Variants in RAB6A observed in about 807,000 individuals in gnomAD.
RAB6A encodes the protein RAB6A, member RAS oncogene family.
RAB6A carries 8 observed loss-of-function variants against 32.3 expected under a neutral mutation model. The ratio of observed to expected loss-of-function variants is 0.25; its 90% CI spans 0.15 to 0.45. The LOEUF is 0.45. Ranked by LOEUF, RAB6A falls within the 20% of genes least tolerant of loss-of-function variation. The pLI is 1.00. For synonymous variants in RAB6A, 73 were observed against 82.1 expected (o/e 0.89, Z 0.60); for missense variants, 104 against 249.4 (o/e 0.42, Z 3.93).
chr11:73,709,438 T>TATTATTATA (rs1485543094), intron 5 of RAB6A, among the ~76,000 whole-genome samples: 1 of 8,884 alleles, frequency 1.1e-4, no homozygotes, highest in East Asian at 0.01. Flanking sequence ...TCCTTAAGTA[T>TATTATTATA]ATTATTATTA....
At chr11:73,700,020 T>C (rs1483776887) in intron 6 of RAB6A, among the ~76,000 whole-genome samples, 1 of 152,222 alleles carries the variant, frequency 6.6e-6, no homozygotes, top group African/African-American at 2.4e-5. Context: ...CTATCACTAG[T>C]TTCTCATAAA....
chr11:73,706,748 T>A (rs1945852579), intron 6 of RAB6A, among the ~76,000 whole-genome samples: 1 of 152,184 alleles, frequency 6.6e-6, no homozygotes, highest in African/African-American at 2.4e-5. Flanking sequence ...GAATTTACTT[T>A]TACAACAAGA....
At chr11:73,707,306 G>A in intron 6 of RAB6A, 114 bp downstream of exon 6, 1 of 673,832 alleles carries the variant, frequency 1.5e-6, no homozygotes, top group Non-Finnish European at 2.5e-6. Context: ...AAAATATACT[G>A]CTAGTTTGTA....
At chr11:73,739,280 A>ATATATATAT (rs1389085059) in intron 1 of RAB6A, among the ~76,000 whole-genome samples, 3 of 18,418 alleles carry the variant, frequency 1.6e-4, no homozygotes, top group South Asian at 5.2e-3. Flanking sequence ...AAAAAAAAAA[A>ATATATATAT]AAAAATATAT....
At chr11:73,680,671 G>C (rs747987081) in intron 6 of RAB6A, among the ~76,000 whole-genome samples, 9 of 152,076 alleles carry the variant, frequency 5.9e-5, no homozygotes, top group Admixed American at 3.3e-4. Context: ...GTGGGGGGGA[G>C]AGTTAGGTTC....
intron 5 of RAB6A, among the ~76,000 whole-genome samples, chr11:73,709,878 T>TACATATATACATATATATACACAC (rs1945917495): frequency 7.3e-6 from 1 of 136,492 alleles, no homozygotes; most frequent in Non-Finnish European, 1.6e-5. Context: ...CACATATACA[T>TACATATATACATATATATACACAC]ACATATATAC....
chr11:73,741,666 T>C (rs1014256556), intron 1 of RAB6A, among the ~76,000 whole-genome samples: 1 of 152,198 alleles, frequency 6.6e-6, no homozygotes, highest in African/African-American at 2.4e-5. Flanking sequence ...TTGAGTATTA[T>C]TCAGCACCAA....
intron 6 of RAB6A, among the ~76,000 whole-genome samples, chr11:73,706,956 TA>T (rs1945855731): frequency 6.6e-6 from 1 of 151,690 alleles, no homozygotes; most frequent in Non-Finnish European, 1.5e-5. Flanking sequence ...CCATCTCTAC[TA>T]AAAATACAAA....
rs543407284 is a variant in RAB6A, at chr11:73,757,939, T to C, written c.70+2627A>G. 2.0e-5 allele frequency among the ~76,000 whole-genome samples: 3 copies of C among 152,338 alleles called. No individual in the cohort carries two copies. In the East Asian group the frequency reaches 5.8e-4, roughly 29 times the overall value. ...CAAAAAAGAATAGTTTTTATCTTCA[T>C]GGGAGTTGCATTCTTCTGTGGGAAA... On this transcript the variant is annotated intron_variant, in intron 1 of 7. Coordinates refer to ENST00000336083, the MANE Select transcript of RAB6A (RefSeq NM_198896.2).
In RAB6A at chr11:73,759,941, A is replaced by AC. The variant is rs1946815710; in HGVS notation, c.70+624dup. On this transcript the variant is annotated intron_variant, in intron 1 of 7. Transcript: ENST00000336083. ...GACGCTACCCCTTTCACCCCCAACCACCCCATGCTCAAGTCGTCTCCAATT... is the reference window on the plus strand; with the variant it reads ...GACGCTACCCCTTTCACCCCCAACCACCCCCATGCTCAAGTCGTCTCCAATT... The AC allele has an allele frequency of 4.3e-6, 4 of 930,464 alleles. No homozygotes were observed. In the South Asian group the frequency reaches 6.1e-5, roughly 14 times the overall value. The allele number at this position is 930,464 out of a possible 1,614,324, so 57.6% of individuals were successfully genotyped here. A position where few individuals can be genotyped will look rare whatever the true frequency, so the allele number is the denominator to read the frequency against.
chr11:73,743,780 T>C (rs1277047448), intron 1 of RAB6A, among the ~76,000 whole-genome samples: 2 of 152,336 alleles, frequency 1.3e-5, no homozygotes, highest in South Asian at 2.1e-4. Context: ...CTTGCTCACA[T>C]AACACAATTT....
chr11:73,755,178 A>G (rs10898944), intron 1 of RAB6A, among the ~76,000 whole-genome samples: 139,148 of 152,108 alleles, frequency 0.91, 63,823 homozygotes, highest in East Asian at 1. Flanking sequence ...TGATCCGCCC[A>G]CCTCGGCCTC....
chr11:73,718,424 C>T (rs1313109775), intron 4 of RAB6A, among the ~76,000 whole-genome samples, 189 bp downstream of exon 4: 1 of 152,144 alleles, frequency 6.6e-6, no homozygotes, highest in African/African-American at 2.4e-5. Context: ...AAAAACCTGG[C>T]ACAGTTACAT....
chr11:73,717,951 T>C (rs955263763), intron 4 of RAB6A, among the ~76,000 whole-genome samples: 29 of 151,958 alleles, frequency 1.9e-4, no homozygotes, highest in African/African-American at 6.5e-4. Flanking sequence ...TTACAATCAC[T>C]TAAAAGGCCA....
At chr11:73,689,405 G>A (rs1192386419) in intron 6 of RAB6A, among the ~76,000 whole-genome samples, 2 of 152,220 alleles carry the variant, frequency 1.3e-5, no homozygotes, top group Non-Finnish European at 2.9e-5. Flanking sequence ...ACAGGAGGCA[G>A]AGCTCAGGCT....
At chr11:73,703,310 C>A (rs1945776435) in intron 6 of RAB6A, among the ~76,000 whole-genome samples, 2 of 151,952 alleles carry the variant, frequency 1.3e-5, no homozygotes, top group Non-Finnish European at 2.9e-5. Context: ...GAACCAAGGA[C>A]ATGAAATAAA....
intron 1 of RAB6A, among the ~76,000 whole-genome samples, chr11:73,757,312 T>C (rs1321140533): frequency 6.7e-6 from 1 of 149,976 alleles, no homozygotes; most frequent in Non-Finnish European, 1.5e-5. Context: ...CATACCTGGA[T>C]AATTTTTGTA....
chr11:73,729,105 T>G (rs1461819138), intron 2 of RAB6A, among the ~76,000 whole-genome samples: 6 of 152,188 alleles, frequency 3.9e-5, no homozygotes, highest in Admixed American at 3.3e-4. Flanking sequence ...CTTTTGATTT[T>G]ATTTTATTTT....
intron 1 of RAB6A, among the ~76,000 whole-genome samples, chr11:73,741,152 C>A (rs1015520822): frequency 6.6e-6 from 1 of 151,824 alleles, no homozygotes; most frequent in Non-Finnish European, 1.5e-5. Context: ...TCCCCCCACC[C>A]CCCCAACAGA....
Sources: gnomAD v4.1 joint callset for allele counts (sites outside exome capture counted in the v4.1 genomes callset) on GRCh38, gnomAD v4.1.1 for gene constraint, MANE v1.5 for transcripts, NCBI Gene and HGNC (gene_info 2026-07-23, HGNC 2026-07-21) for gene names.